DPP6: variants seen among roughly 807,000 people sequenced by gnomAD.
DPP6 encodes the protein A-type potassium channel modulatory protein DPP6.
In DPP6, 69 loss-of-function variants were observed where a neutral mutation model predicts 122.6. The observed-to-expected ratio is 0.56, with a 90% CI of 0.46 to 0.69. The LOEUF is 0.69. DPP6 is among the 30% of genes least tolerant of loss of function. DPP6 has a pLI of 0.00. For missense variants in DPP6, 928 were observed against 1,116.9 expected (o/e 0.83, Z 2.41); for synonymous variants, 418 against 433.1 (o/e 0.97, Z 0.43).
intron 10 of DPP6, among the ~76,000 whole-genome samples, chr7:154,780,200 G>C (rs1415063033): frequency 6.6e-6 from 1 of 152,198 alleles, no homozygotes; most frequent in Admixed American, 6.5e-5. Flanking sequence ...AGAAGCTCCA[G>C]ACTAGAGAAA....
chr7:153,885,831 G>T (rs1047402428), upstream of DPP6, among the ~76,000 whole-genome samples: 1 of 152,046 alleles, frequency 6.6e-6, no homozygotes, highest in African/African-American at 2.4e-5. Context: ...GTTTACACTT[G>T]TAACCAATTG....
chr7:153,930,548 A>C (rs1218624357), intron 1 of DPP6, among the ~76,000 whole-genome samples: 1 of 152,210 alleles, frequency 6.6e-6, no homozygotes, highest in Non-Finnish European at 1.5e-5. Context: ...TAATGGCTCC[A>C]TCTGGCTAAT....
At chr7:154,223,212 G>A (rs1439952366) in intron 1 of DPP6, among the ~76,000 whole-genome samples, 2 of 149,170 alleles carry the variant, frequency 1.3e-5, no homozygotes, top group Non-Finnish European at 2.9e-5. Context: ...ATTGCAGACC[G>A]TCTCTACCAG....
chr7:154,608,736 T>G (rs1391876422), intron 5 of DPP6, among the ~76,000 whole-genome samples: 1 of 152,184 alleles, frequency 6.6e-6, no homozygotes, highest in Non-Finnish European at 1.5e-5. Flanking sequence ...TAACCTTCTG[T>G]CAATTAGTCA....
intron 1 of DPP6, among the ~76,000 whole-genome samples, chr7:153,906,667 G>A (rs561151998): frequency 8.0e-4 from 122 of 152,264 alleles, no homozygotes; most frequent in African/African-American, 2.8e-3. Context: ...GCCCAGGCTG[G>A]TCTCAAACTC....
At chr7:154,067,998 G>A (rs1482002127) in intron 1 of DPP6, among the ~76,000 whole-genome samples, 14 of 150,608 alleles carry the variant, frequency 9.3e-5, no homozygotes, top group African/African-American at 3.5e-4. Flanking sequence ...CTGGGCTCAA[G>A]CAGTCCTCCC....
intron 7 of DPP6, among the ~76,000 whole-genome samples, chr7:154,678,275 A>G (rs1053762423): frequency 1.1e-4 from 16 of 152,204 alleles, no homozygotes; most frequent in African/African-American, 3.9e-4. Context: ...TCCACGTGGA[A>G]GCTGTGTTCT....
intron 1 of DPP6, among the ~76,000 whole-genome samples, chr7:154,294,766 C>A (rs142269043): frequency 5.7e-4 from 87 of 152,252 alleles, no homozygotes; most frequent in African/African-American, 2.0e-3. Context: ...GATACCTTTC[C>A]CTACAGGCCA....
At chr7:154,616,665 T>C (rs923259069) in intron 5 of DPP6, among the ~76,000 whole-genome samples, 2 of 152,200 alleles carry the variant, frequency 1.3e-5, no homozygotes, top group Non-Finnish European at 2.9e-5. Flanking sequence ...TTCTTTCATC[T>C]GGACCTAGGT....
chr7:154,386,848 G>A (rs1586129122), intron 1 of DPP6, among the ~76,000 whole-genome samples: 1 of 152,166 alleles, frequency 6.6e-6, no homozygotes, highest in Non-Finnish European at 1.5e-5. Flanking sequence ...CAGAGATGAA[G>A]CACCCCGTGG....
At chr7:154,488,210 C>T (rs559661138) in intron 3 of DPP6, among the ~76,000 whole-genome samples, 5 of 152,246 alleles carry the variant, frequency 3.3e-5, no homozygotes, top group South Asian at 2.1e-4. Context: ...CGGGGCGGGA[C>T]GCAGTAGCTC....
At chr7:154,740,192 T>G (rs1343338036) in intron 8 of DPP6, among the ~76,000 whole-genome samples, 2 of 152,226 alleles carry the variant, frequency 1.3e-5, no homozygotes, top group Non-Finnish European at 2.9e-5. Flanking sequence ...ATTATGCATT[T>G]CATTGTGAGA....
At chr7:154,180,999 C>T (rs1798055829) in intron 1 of DPP6, among the ~76,000 whole-genome samples, 1 of 152,168 alleles carries the variant, frequency 6.6e-6, no homozygotes. Context: ...CCAGTTCAAT[C>T]CCCTGGCTTG....
intron 4 of DPP6, among the ~76,000 whole-genome samples, chr7:154,557,849 T>C (rs1830155043): frequency 6.6e-6 from 1 of 152,114 alleles, no homozygotes; most frequent in Non-Finnish European, 1.5e-5. Flanking sequence ...GAAAAGAAGA[T>C]GGCTACAGTT....
rs547982056 is a variant in DPP6 at position 154,112,162 on chromosome 7, G to A, written c.243+59099G>A. 2.2e-3 allele frequency among the ~76,000 whole-genome samples: 334 copies of A among 152,216 alleles called. 1 individual carries two copies. Among genetic ancestry groups the A allele is most frequent in the Admixed American group, 4.2e-3 (64 of 15,288 alleles). On this transcript the variant is annotated intron_variant, in intron 1 of 25. Coordinates refer to ENST00000377770, the MANE Select transcript of DPP6 (RefSeq NM_130797.4). Reference sequence around the variant, plus strand: ...TAGGTTTTGGATGACGTGGACAGTGGATATCATATCACCTGTTATGGTGAA... The same window carrying A: ...TAGGTTTTGGATGACGTGGACAGTGAATATCATATCACCTGTTATGGTGAA...
At chr7:154,437,389 G>A (rs1367920863) in intron 1 of DPP6, among the ~76,000 whole-genome samples, 1 of 152,152 alleles carries the variant, frequency 6.6e-6, no homozygotes, top group Non-Finnish European at 1.5e-5. Context: ...TCCTCTTTGA[G>A]ACCCGTGAAC....
At chr7:154,408,054 T>C (rs1816271422) in intron 1 of DPP6, among the ~76,000 whole-genome samples, 1 of 152,204 alleles carries the variant, frequency 6.6e-6, no homozygotes, top group East Asian at 1.9e-4. Flanking sequence ...GTATTTGCTG[T>C]TGTTGTCATA....
At chr7:154,782,104 T>C (rs907953041) in intron 10 of DPP6, among the ~76,000 whole-genome samples, 3 of 152,196 alleles carry the variant, frequency 2.0e-5, no homozygotes, top group Admixed American at 2.0e-4. Flanking sequence ...CACCCTGTGC[T>C]GAAGTTAGTG....
intron 1 of DPP6, among the ~76,000 whole-genome samples, chr7:154,328,377 C>G (rs1808630551): frequency 6.6e-6 from 1 of 152,134 alleles, no homozygotes; most frequent in Non-Finnish European, 1.5e-5. Flanking sequence ...AACGACGGGC[C>G]TGGAAGGGAT....
Sources: allele counts gnomAD v4.1 joint callset (sites outside exome capture counted in the v4.1 genomes callset), GRCh38; gene constraint gnomAD v4.1.1; transcripts MANE v1.5; gene names NCBI Gene and HGNC (gene_info 2026-07-23, HGNC 2026-07-21).